The following DUS2 variants were observed in gnomAD, a reference collection of about 807,000 sequenced individuals.
DUS2 encodes the protein tRNA-dihydrouridine(20) synthase [NAD(P)+]-like.
DUS2 carries 52 observed loss-of-function variants against 71.3 expected under a neutral mutation model. That is an observed-to-expected ratio of 0.73 (90% CI 0.58 to 0.92). The LOEUF is 0.92. Ranked by LOEUF, DUS2 falls within the 40% of genes least tolerant of loss-of-function variation. DUS2 has a pLI of 0.00. For missense variants in DUS2, 558 were observed against 622.6 expected, an observed-to-expected ratio of 0.90 and a Z score of 1.10; for synonymous variants, 204 against 227.8, an observed-to-expected ratio of 0.90 and a Z score of 0.94.
At chr16:68,075,975 G>T (rs979356515) in intron 14 of DUS2, among the ~76,000 whole-genome samples, 1 of 152,134 alleles carries the variant, frequency 6.6e-6, no homozygotes, top group Non-Finnish European at 1.5e-5. Flanking sequence ...CCTCCTCTGG[G>T]ATCTGAGCCT....
intron 6 of DUS2, 31 bp from the exon 7 acceptor site, chr16:68,056,333 T>A: frequency 6.2e-7 from 1 of 1,600,690 alleles, no homozygotes; most frequent in Non-Finnish European, 8.6e-7. Context: ...AATTCAATAC[T>A]TATTACCTTT....
intron 3 of DUS2, among the ~76,000 whole-genome samples, chr16:68,040,138 G>A (rs2033601227): frequency 6.6e-6 from 1 of 151,308 alleles, no homozygotes; most frequent in Non-Finnish European, 1.5e-5. Context: ...AGGCTGGAGT[G>A]CAGTGGCACA....
In DUS2 at chr16:68,038,043, C is replaced by T. The variant is rs1567470923; in HGVS notation, c.20C>T (p.Ser7Phe). 3 of 1,613,666 alleles carry T rather than the reference C, an allele frequency of 1.9e-6. No homozygotes were observed. Among genetic ancestry groups the T allele is most frequent in the Non-Finnish European group, 1.7e-6 (2 of 1,179,892 alleles). MILNSL[S>F]LCYHNKLILA... ...GAGGAAATGATTTTGAATAGCCTCT[C>T]TCTGTGTTACCATAATAAGCTAATC... Residue 7 changes from serine to phenylalanine, a missense_variant, in exon 3 of 17, where the codon TCT becomes TTT. By Grantham distance (155) the Ser-to-Phe change is radical (BLOSUM62 -2). Transcript: ENST00000565263.
chr16:68,037,845 A>G (rs2033555724), intron 2 of DUS2, 161 bp from the exon 3 acceptor site: 2 of 683,076 alleles, frequency 2.9e-6, no homozygotes, highest in Non-Finnish European at 4.6e-6. Flanking sequence ...TGACAAAGCA[A>G]GACTGTCTCA....
At chr16:68,051,862 T>C (rs548173560) in intron 4 of DUS2, among the ~76,000 whole-genome samples, 2 of 152,310 alleles carry the variant, frequency 1.3e-5, no homozygotes, top group Non-Finnish European at 2.9e-5. Context: ...GAACATTAGA[T>C]AGCATTTCAG....
Position 68,038,144 on chromosome 16 carries a change from TG to T in DUS2, c.122del (p.Cys41LeufsTer4). 6.2e-7 allele frequency: 1 copy of T among 1,613,952 alleles called. No individual in the cohort carries two copies. The highest frequency in any genetic ancestry group is 8.5e-7 in the Non-Finnish European group (1 of 1,179,896). ...GGATTATGGAGCGGACATTGTTTAC[TG>T]TGAGGTAAGGGGCTCTGATTTTCTG... is the stretch of plus-strand genomic sequence containing the variant. ...ALDYGADIVY[C>X]EELIDLKMIQ... On this transcript the variant is annotated frameshift_variant, in exon 3 of 17. Transcript: ENST00000565263. LOFTEE classifies it high-confidence loss of function.
At chr16:68,051,511 CT>C (rs2033778516) in intron 4 of DUS2, among the ~76,000 whole-genome samples, 1 of 152,184 alleles carries the variant, frequency 6.6e-6, no homozygotes, top group African/African-American at 2.4e-5. Flanking sequence ...CTGCCTCAGC[CT>C]TCCAAGTAGC....
At chr16:68,077,199 C>G (rs2034170767) in intron 15 of DUS2, 1 of 151,952 alleles carries the variant, frequency 6.6e-6, no homozygotes, top group Non-Finnish European at 1.5e-5. Flanking sequence ...TTGCAGTTAG[C>G]TGAGATCATG....
chr16:68,051,787 G>A (rs1486080139), intron 4 of DUS2, among the ~76,000 whole-genome samples: 2 of 152,112 alleles, frequency 1.3e-5, no homozygotes, highest in South Asian at 2.1e-4. Flanking sequence ...ATTTCATGCC[G>A]AAACAAAGCT....
intron 3 of DUS2, among the ~76,000 whole-genome samples, chr16:68,041,286 C>T (rs1051538380): frequency 6.6e-6 from 1 of 152,046 alleles, no homozygotes; most frequent in East Asian, 1.9e-4. Flanking sequence ...GGCAAGAGAG[C>T]CGTAGTCTTC....
At chr16:68,053,727 G>A in intron 5 of DUS2, 72 bp downstream of exon 5, 1 of 1,528,704 alleles carries the variant, frequency 6.5e-7, no homozygotes, top group South Asian at 1.1e-5. Flanking sequence ...CATGCCCTGT[G>A]CCAGGCCAGT....
intron 12 of DUS2, among the ~76,000 whole-genome samples, chr16:68,072,078 C>T (rs2034094860): frequency 6.6e-6 from 1 of 152,186 alleles, no homozygotes; most frequent in Non-Finnish European, 1.5e-5. Context: ...CAGTCTTTGC[C>T]CAGAGCAGAG....
chr16:68,040,917 A>G (rs892334597), intron 3 of DUS2, among the ~76,000 whole-genome samples: 1 of 152,134 alleles, frequency 6.6e-6, no homozygotes, highest in Non-Finnish European at 1.5e-5. Flanking sequence ...CATATCAAGC[A>G]TGTAGGCACC....
In DUS2 at chr16:68,066,579, T is replaced by A; in HGVS notation, c.497T>A (p.Leu166Gln). 1 of 1,614,202 alleles carries A rather than the reference T, an allele frequency of 6.2e-7. No homozygotes were observed. Among genetic ancestry groups the A allele is most frequent in the South Asian group, 1.1e-5 (1 of 91,080 alleles). The change falls in exon 10 of 17, where the codon CTG becomes CAG. Residue 166 changes from leucine (L) to glutamine (Q), a missense_variant. Transcript: ENST00000565263. ...CCTCCTCCTCAGCTAGAAGATACCCTGAGCCTTGTGAAGCGGATAGAGAGG... is the reference window on the plus strand; with the variant it reads ...CCTCCTCCTCAGCTAGAAGATACCCAGAGCCTTGTGAAGCGGATAGAGAGG... ...IRILPSLEDT[L>Q]SLVKRIERTG...
intron 14 of DUS2, 32 bp from the exon 15 acceptor site, chr16:68,076,600 G>A: frequency 6.4e-7 from 1 of 1,565,864 alleles, no homozygotes; most frequent in South Asian, 1.1e-5. Context: ...GTGATGGTGG[G>A]TGACCCCAAC....
intron 3 of DUS2, among the ~76,000 whole-genome samples, chr16:68,042,933 C>T (rs2033652291): frequency 6.6e-6 from 1 of 152,104 alleles, no homozygotes; most frequent in Non-Finnish European, 1.5e-5. Context: ...GTCTCGAACT[C>T]CTGGCCTCAG....
At chr16:68,065,248 ATG>A (rs967149569) in intron 8 of DUS2, among the ~76,000 whole-genome samples, 2 of 152,018 alleles carry the variant, frequency 1.3e-5, no homozygotes, top group African/African-American at 4.8e-5. Context: ...TCACTCATGT[ATG>A]TCTGACTGCC....
rs748217092 is a variant in DUS2, at chr16:68,066,560, C to G, written c.484-6C>G. The G allele has an allele frequency of 1.2e-6, 2 of 1,614,032 alleles. No homozygotes were observed. The highest frequency in any genetic ancestry group is 1.7e-6 in the Non-Finnish European group (2 of 1,179,996). On this transcript the variant is annotated splice_region_variant and splice_polypyrimidine_tract_variant and intron_variant, in intron 9 of 16. Transcript: ENST00000565263. ...AGTAACCATCCTGTGTGGTCCTCCTCCTCAGCTAGAAGATACCCTGAGCCT... is the reference window on the plus strand; with the variant it reads ...AGTAACCATCCTGTGTGGTCCTCCTGCTCAGCTAGAAGATACCCTGAGCCT...
At position 68,075,447 on chromosome 16, in the gene DUS2, CAG is replaced by C; in HGVS notation, c.1026_1027del (p.Glu344AlafsTer3). Reference sequence around the variant, plus strand: ...CTCTCAGCCAAGACTTCAGAGCAGACAGGGGAGCCAGCTGAAGATACCTCTGG... The same window carrying C: ...CTCTCAGCCAAGACTTCAGAGCAGACGGGAGCCAGCTGAAGATACCTCTGG... On this transcript the variant is annotated frameshift_variant, in exon 14 of 17. Coordinates refer to ENST00000565263, the MANE Select transcript of DUS2 (RefSeq NM_017803.5). LOFTEE classifies it high-confidence loss of function. 3 of 1,613,950 alleles carry C rather than the reference CAG, an allele frequency of 1.9e-6. No homozygotes were observed. Among genetic ancestry groups the C allele is most frequent in the Non-Finnish European group, 2.5e-6 (3 of 1,179,908 alleles).
Sources: allele counts gnomAD v4.1 joint callset (sites outside exome capture counted in the v4.1 genomes callset), GRCh38; gene constraint gnomAD v4.1.1; transcripts MANE v1.5; gene names NCBI Gene and HGNC (gene_info 2026-07-23, HGNC 2026-07-21).